CDK8: variants seen among roughly 807,000 people sequenced by gnomAD.
CDK8 encodes cyclin-dependent kinase 8.
A neutral mutation model predicts 71.5 loss-of-function variants in CDK8; 29 were observed. The ratio of observed to expected loss-of-function variants is 0.41; its 90% CI spans 0.30 to 0.55. The LOEUF (loss-of-function observed/expected upper bound fraction) is 0.55, where lower values mean the gene tolerates loss of function less well. CDK8 is among the 20% of genes least tolerant of loss of function. The pLI is 0.37. For missense variants in CDK8, 288 were observed against 572.6 expected (o/e 0.50, Z 5.07); for synonymous variants, 161 against 192.1 (o/e 0.84, Z 1.34).
chr13:26,357,757 G>A (rs1873956325), intron 4 of CDK8, among the ~76,000 whole-genome samples: 1 of 152,180 alleles, frequency 6.6e-6, no homozygotes, highest in African/African-American at 2.4e-5. Context: ...CCAGGAAAAA[G>A]TTTTAGCTCT....
chr13:26,348,356 G>A (rs1873546966), intron 2 of CDK8, among the ~76,000 whole-genome samples: 1 of 152,146 alleles, frequency 6.6e-6, no homozygotes, highest in South Asian at 2.1e-4. Flanking sequence ...AGCAGGAGGT[G>A]AGCCACAGGC....
At chr13:26,361,783 C>CTTTTTTTTTT (rs1201582663) in intron 4 of CDK8, among the ~76,000 whole-genome samples, 3 of 112,218 alleles carry the variant, frequency 2.7e-5, no homozygotes, top group African/African-American at 3.7e-5. Context: ...TTTTCTTTTC[C>CTTTTTTTTTT]CTTTTTTTTT....
intron 1 of CDK8, among the ~76,000 whole-genome samples, chr13:26,281,295 C>T (rs1373647548): frequency 6.6e-6 from 1 of 152,246 alleles, no homozygotes; most frequent in Non-Finnish European, 1.5e-5. Context: ...GACCTGAAGA[C>T]AGATTGTATC....
At chr13:26,377,029 G>T (rs1874987449) in intron 4 of CDK8, among the ~76,000 whole-genome samples, 1 of 152,250 alleles carries the variant, frequency 6.6e-6, no homozygotes, top group Non-Finnish European at 1.5e-5. Context: ...TATTACTCTT[G>T]TGAAGTTAGT....
At chr13:26,327,852 A>G (rs767405063) in intron 1 of CDK8, among the ~76,000 whole-genome samples, 1 of 152,218 alleles carries the variant, frequency 6.6e-6, no homozygotes, top group African/African-American at 2.4e-5. Flanking sequence ...AAGAAAGAAA[A>G]TAATGCAAGA....
chr13:26,345,989 T>A (rs920224654), intron 2 of CDK8, among the ~76,000 whole-genome samples: 1 of 152,232 alleles, frequency 6.6e-6, no homozygotes. Context: ...GTCTCTGGAT[T>A]GTAAAGACAC....
chr13:26,404,181 C>T lies in CDK8; in HGVS notation c.*100C>T, dbSNP rs1876405727. 6.0e-6 allele frequency: 8 copies of T among 1,337,268 alleles called. No individual in the cohort carries two copies. Among genetic ancestry groups the T allele is most frequent in the African/African-American group, 4.3e-5 (3 of 68,982 alleles). 82.8% of individuals were successfully genotyped at this position (1,337,268 alleles called of 1,614,324 possible). ...GTATGGGCCATGAGAATGTACTGTA[C>T]AACCACATCTTCAAAATGTCCAGTA... On this transcript the variant is annotated 3_prime_UTR_variant, in exon 13 of 13. Transcript: ENST00000381527.
chr13:26,264,824 T>G (rs1008517580), intron 1 of CDK8, among the ~76,000 whole-genome samples: 2 of 152,180 alleles, frequency 1.3e-5, no homozygotes, highest in Middle Eastern at 6.3e-3. Context: ...TGAGAACATA[T>G]GATATTTGTC....
At chr13:26,363,165 A>G (rs967220321) in intron 4 of CDK8, among the ~76,000 whole-genome samples, 1 of 150,666 alleles carries the variant, frequency 6.6e-6, no homozygotes, top group African/African-American at 2.4e-5. Context: ...GCTAAAAAAA[A>G]AAAAATGGAA....
chr13:26,392,420 C>T (rs1001207821), intron 6 of CDK8, among the ~76,000 whole-genome samples: 4 of 150,858 alleles, frequency 2.7e-5, no homozygotes, highest in Admixed American at 6.6e-5. Flanking sequence ...CTCTGCCTCC[C>T]GGGTTCAAGC....
At position 26,290,850 on chromosome 13, in the gene CDK8, C is replaced by T. The variant is rs587551; in HGVS notation, c.128+36081C>T. Among the ~76,000 whole-genome samples the T allele has an allele frequency of 2.6e-3, 402 of 152,226 alleles. 4 individuals carry two copies. The highest frequency in any genetic ancestry group is 9.3e-3 in the African/African-American group (385 of 41,538). ...ACAAATTCTGGGCCAGGCGCGGTGG[C>T]TCACACCTGTAATCCCAGCACTTTG... is the stretch of plus-strand genomic sequence containing the variant. On this transcript the variant is annotated intron_variant, in intron 1 of 12. Transcript: ENST00000381527.
At position 26,300,277 on chromosome 13, in the gene CDK8, T is replaced by C. The variant is rs185978173; in HGVS notation, c.129-37290T>C. Among the ~76,000 whole-genome samples, 1,146 of 152,226 alleles carry C rather than the reference T, an allele frequency of 7.5e-3. 12 individuals are homozygous for C. Among genetic ancestry groups the C allele is most frequent in the Middle Eastern group, 0.037 (11 of 294 alleles). On this transcript the variant is annotated intron_variant, in intron 1 of 12. Transcript: ENST00000381527. ...ATAAACTATTAATATATTTTTTTAA[T>C]CTGATAACCAAGACAGCTACTAAGT...
chr13:26,260,151 C>T (rs930451946), intron 1 of CDK8, among the ~76,000 whole-genome samples: 2 of 151,972 alleles, frequency 1.3e-5, no homozygotes, highest in East Asian at 1.9e-4. Context: ...TTAATTTTTC[C>T]TTGCCATGCC....
chr13:26,397,373 C>A, intron 9 of CDK8, 148 bp downstream of exon 9: 1 of 563,442 alleles, frequency 1.8e-6, no homozygotes, highest in South Asian at 2.4e-5. Context: ...TAGTGCATAC[C>A]AATAAAGACA....
At chr13:26,367,349 A>G (rs1874438339) in intron 4 of CDK8, among the ~76,000 whole-genome samples, 1 of 152,154 alleles carries the variant, frequency 6.6e-6, no homozygotes, top group Non-Finnish European at 1.5e-5. Flanking sequence ...CATGGTAGGA[A>G]GCGATAGAAA....
intron 7 of CDK8, among the ~76,000 whole-genome samples, chr13:26,395,487 CAAAAA>C (rs11361110): frequency 1.1e-5 from 1 of 94,332 alleles, no homozygotes. Context: ...AACTCCGTCT[CAAAAA>C]AAAAAAAAAA....
intron 1 of CDK8, among the ~76,000 whole-genome samples, chr13:26,287,338 G>A (rs972881150): frequency 6.6e-6 from 1 of 152,032 alleles, no homozygotes; most frequent in African/African-American, 2.4e-5. Context: ...GTGCGATCTC[G>A]GCTCACTGCA....
At chr13:26,305,695 G>A (rs1007721857) in intron 1 of CDK8, among the ~76,000 whole-genome samples, 1 of 151,930 alleles carries the variant, frequency 6.6e-6, no homozygotes, top group Non-Finnish European at 1.5e-5. Context: ...TCTTCCAGTT[G>A]ATTAATCATT....
intron 1 of CDK8, among the ~76,000 whole-genome samples, chr13:26,323,298 TGAGAGAGAGAGA>T (rs10523917): frequency 3.0e-5 from 4 of 132,206 alleles, no homozygotes; most frequent in Admixed American, 7.4e-5. Context: ...TCCTCACATG[TGAGAGAGAGAGA>T]GAGAGAGAGA....
Sources: gnomAD v4.1 joint callset for allele counts (sites outside exome capture counted in the v4.1 genomes callset) on GRCh38, gnomAD v4.1.1 for gene constraint, MANE v1.5 for transcripts, NCBI Gene and HGNC (gene_info 2026-07-23, HGNC 2026-07-21) for gene names.